Variants in KRCC1 observed in about 807,000 individuals in gnomAD.
KRCC1 encodes lysine-rich coiled-coil protein 1.
KRCC1 carries 3 observed loss-of-function variants against 7.4 expected under a neutral mutation model. That is an observed-to-expected ratio of 0.40 (90% confidence interval 0.18 to 1.04). KRCC1 has a LOEUF of 1.04. Ranked by LOEUF, KRCC1 falls within the 50% of genes least tolerant of loss-of-function variation. The pLI is 0.33. For missense variants in KRCC1, 277 were observed against 300.9 expected, an observed-to-expected ratio of 0.92 and a Z score of 0.59; for synonymous variants, 102 against 101.6, an observed-to-expected ratio of 1.00 and a Z score of -0.02.
At position 88,028,261 on chromosome 2, in the gene KRCC1, C is replaced by A. The variant is rs1573071888; in HGVS notation, c.303G>T (p.Leu101=). 3.1e-6 allele frequency: 5 copies of A among 1,614,174 alleles called. No homozygotes were observed. The East Asian group carries it at 1.1e-4, about 36-fold the overall frequency. The change falls in exon 4 of 4, where the codon CTG becomes CTT. Residue 101 remains leucine, a synonymous_variant. Transcript: ENST00000347055. ...AHDSRLRLDS[L]SYCQFTRDCF... ...AGTCCCTCGTGAACTGACAGTAGCT[C>A]AGAGAGTCTAGTCTCAATCTGCTGT...
At chr2:88,029,781 A>G (rs771529347) in intron 3 of KRCC1, among the ~76,000 whole-genome samples, 7 of 150,432 alleles carry the variant, frequency 4.7e-5, no homozygotes, top group Non-Finnish European at 8.9e-5. Flanking sequence ...CTGAATAAAT[A>G]CAAATATAGC....
At chr2:88,029,352 A>C (rs1672948077) in intron 3 of KRCC1, among the ~76,000 whole-genome samples, 1 of 152,238 alleles carries the variant, frequency 6.6e-6, no homozygotes, top group Admixed American at 6.5e-5. Flanking sequence ...CTCAAGATAA[A>C]ATAAACGTAC....
At chr2:88,046,937 G>C (rs1229886997) in intron 1 of KRCC1, among the ~76,000 whole-genome samples, 1 of 152,142 alleles carries the variant, frequency 6.6e-6, no homozygotes, top group East Asian at 1.9e-4. Flanking sequence ...GCCTCCCAAA[G>C]CAGTGGGACT....
chr2:88,051,550 G>A (rs1673487538), intron 1 of KRCC1, among the ~76,000 whole-genome samples: 2 of 152,144 alleles, frequency 1.3e-5, no homozygotes, highest in African/African-American at 4.8e-5. Flanking sequence ...TAGATAGTGT[G>A]ACATATCAAA....
intron 3 of KRCC1, among the ~76,000 whole-genome samples, chr2:88,029,603 G>A (rs895530585): frequency 1.3e-5 from 2 of 151,862 alleles, no homozygotes; most frequent in Admixed American, 6.6e-5. Context: ...TTAAAGTACT[G>A]GTGAGAGGAA....
At chr2:88,031,874 G>T (rs1558830747) in intron 3 of KRCC1, among the ~76,000 whole-genome samples, 1 of 151,974 alleles carries the variant, frequency 6.6e-6, no homozygotes, top group African/African-American at 2.4e-5. Flanking sequence ...TGGGTGTGGT[G>T]CCTCATGCCT....
intron 1 of KRCC1, among the ~76,000 whole-genome samples, chr2:88,052,343 G>T (rs1235299002): frequency 6.6e-6 from 1 of 152,146 alleles, no homozygotes; most frequent in Non-Finnish European, 1.5e-5. Flanking sequence ...TTGCAAATTT[G>T]ACTTCATGAA....
chr2:88,033,697 G>T (rs1202840997), intron 3 of KRCC1, among the ~76,000 whole-genome samples: 1 of 152,180 alleles, frequency 6.6e-6, no homozygotes, highest in Non-Finnish European at 1.5e-5. Flanking sequence ...GTGAAAAAAA[G>T]ATACTAGTAA....
At chr2:88,043,332 T>C (rs556559907) in intron 1 of KRCC1, among the ~76,000 whole-genome samples, 23 of 152,324 alleles carry the variant, frequency 1.5e-4, no homozygotes, top group African/African-American at 5.5e-4. Flanking sequence ...GTCTTAAAAC[T>C]TCCATTTCAT....
At chr2:88,040,287 C>T (rs1345686793) in intron 1 of KRCC1, among the ~76,000 whole-genome samples, 1 of 152,146 alleles carries the variant, frequency 6.6e-6, no homozygotes, top group East Asian at 1.9e-4. Flanking sequence ...AAATCTCAGC[C>T]ATTTTCCTCC....
chr2:88,032,153 A>G (rs929523825), intron 3 of KRCC1, among the ~76,000 whole-genome samples: 2 of 151,876 alleles, frequency 1.3e-5, no homozygotes, highest in Non-Finnish European at 2.9e-5. Flanking sequence ...AAATTAATTA[A>G]TTAATTAATT....
At chr2:88,048,444 T>C (rs1003403707) in intron 1 of KRCC1, among the ~76,000 whole-genome samples, 2 of 152,070 alleles carry the variant, frequency 1.3e-5, no homozygotes, top group East Asian at 3.9e-4. Flanking sequence ...GAATGCAGTT[T>C]TGTTTTTTGA....
chr2:88,049,758 T>C (rs1411901480), intron 1 of KRCC1, among the ~76,000 whole-genome samples: 1 of 152,244 alleles, frequency 6.6e-6, no homozygotes, highest in Non-Finnish European at 1.5e-5. Context: ...TTAGTTAATA[T>C]TTTCACTTAC....
At chr2:88,043,098 T>C (rs1238433595) in intron 1 of KRCC1, among the ~76,000 whole-genome samples, 5 of 152,206 alleles carry the variant, frequency 3.3e-5, no homozygotes, top group African/African-American at 1.2e-4. Flanking sequence ...TTTGTTGATA[T>C]TTGAAATACA....
intron 1 of KRCC1, among the ~76,000 whole-genome samples, chr2:88,037,280 A>C (rs1421644828): frequency 2.0e-5 from 3 of 152,176 alleles, no homozygotes; most frequent in African/African-American, 4.8e-5. Flanking sequence ...ACAAAACACC[A>C]TCCTGAAGGA....
chr2:88,055,178 A>C (rs1673589735), intron 1 of KRCC1, among the ~76,000 whole-genome samples: 1 of 146,338 alleles, frequency 6.8e-6, no homozygotes, highest in African/African-American at 2.6e-5. Flanking sequence ...ACCTCTCCCT[A>C]AGCGTCCTAC....
intron 2 of KRCC1, among the ~76,000 whole-genome samples, chr2:88,034,505 CAAGT>C (rs1194723963): frequency 9.2e-5 from 14 of 151,966 alleles, no homozygotes; most frequent in African/African-American, 3.4e-4. Flanking sequence ...TTTTAACTGA[CAAGT>C]AATAATTGTA....
At chr2:88,046,542 T>C (rs1452805862) in intron 1 of KRCC1, among the ~76,000 whole-genome samples, 1 of 152,228 alleles carries the variant, frequency 6.6e-6, no homozygotes, top group Non-Finnish European at 1.5e-5. Flanking sequence ...AAGGCAGAAG[T>C]ATCTGAAAGG....
At chr2:88,049,879 A>C (rs1673430909) in intron 1 of KRCC1, among the ~76,000 whole-genome samples, 1 of 152,258 alleles carries the variant, frequency 6.6e-6, no homozygotes, top group Non-Finnish European at 1.5e-5. Context: ...ACATTAACAT[A>C]ATGTGCTCTG....
Sources: allele counts gnomAD v4.1 joint callset (sites outside exome capture counted in the v4.1 genomes callset), GRCh38; gene constraint gnomAD v4.1.1; transcripts MANE v1.5; gene names NCBI Gene and HGNC (gene_info 2026-07-23, HGNC 2026-07-21).